IQSEC2: variants seen among roughly 807,000 people sequenced by gnomAD.
IQSEC2 encodes the protein IQ motif and SEC7 domain-containing protein 2.
In IQSEC2, 6 loss-of-function variants were observed where a neutral mutation model predicts 74.6. The observed-to-expected ratio is 0.08, with a 90% CI of 0.04 to 0.16. The LOEUF is 0.16. IQSEC2 is among the 10% of genes least tolerant of loss of function. The pLI, the probability that IQSEC2 is intolerant of heterozygous loss-of-function variation, is 1.00. For synonymous variants in IQSEC2, 494 were observed against 544.5 expected, an observed-to-expected ratio of 0.91 and a Z score of 1.29; for missense variants, 734 against 1,306.2, an observed-to-expected ratio of 0.56 and a Z score of 6.75.
At chrX:53,294,738 ATCCCT>A (rs2146438240) in intron 1 of IQSEC2, among the ~76,000 whole-genome samples, 1 of 112,105 alleles carries the variant, frequency 8.9e-6, no homozygotes, top group South Asian at 3.7e-4. Flanking sequence ...CAAGGACTAG[ATCCCT>A]CTTCATCAAT....
chrX:53,254,312 G>C (rs782175168), intron 4 of IQSEC2, among the ~76,000 whole-genome samples: 5 of 91,794 alleles, frequency 5.4e-5, no homozygotes, highest in African/African-American at 2.1e-4. Context: ...CCTGGGTGTC[G>C]AGAGCGAAAC....
chrX:53,265,914 G>A (rs2074648856), intron 2 of IQSEC2, among the ~76,000 whole-genome samples: 1 of 112,351 alleles, frequency 8.9e-6, no homozygotes, highest in Non-Finnish European at 1.9e-5. Context: ...TAAAACCACA[G>A]GACTGGAAAA....
intron 2 of IQSEC2, among the ~76,000 whole-genome samples, chrX:53,261,339 G>A (rs1430172546): frequency 9.0e-6 from 1 of 111,125 alleles, no homozygotes; most frequent in Non-Finnish European, 1.9e-5. Context: ...GTGTGAGCCC[G>A]TGCATGTCAC....
chrX:53,239,975 T>A (rs1227404084), intron 10 of IQSEC2, among the ~76,000 whole-genome samples: 2 of 111,868 alleles, frequency 1.8e-5, no homozygotes, highest in Non-Finnish European at 3.8e-5. Context: ...GAACAGGGAC[T>A]AAGTCTGATT....
intron 2 of IQSEC2, among the ~76,000 whole-genome samples, chrX:53,277,580 C>T (rs1306922744): frequency 1.8e-5 from 2 of 111,118 alleles, no homozygotes; most frequent in African/African-American, 6.6e-5. Flanking sequence ...TCCTGTCCCA[C>T]CTTAAGTCAC....
intron 1 of IQSEC2, among the ~76,000 whole-genome samples, chrX:53,305,381 T>C (rs868980337): frequency 1.8e-5 from 2 of 110,391 alleles, no homozygotes; most frequent in Middle Eastern, 4.7e-3. Flanking sequence ...GCCCAGCTAA[T>C]TTTTTCATTT....
chrX:53,231,733 C>T (rs1162129031), downstream of IQSEC2: 1 of 112,032 alleles, frequency 8.9e-6, no homozygotes, highest in Admixed American at 9.5e-5. Flanking sequence ...GGGAAGAAAA[C>T]TAAAAAATGT....
At chrX:53,313,047 C>T (rs1276560629) in intron 1 of IQSEC2, among the ~76,000 whole-genome samples, 1 of 112,293 alleles carries the variant, frequency 8.9e-6, no homozygotes, top group Non-Finnish European at 1.9e-5. Flanking sequence ...CCTGATCAGC[C>T]GTGTAGCTCT....
chrX:53,284,189 G>T (rs1341747988), intron 2 of IQSEC2, among the ~76,000 whole-genome samples: 1 of 111,172 alleles, frequency 9.0e-6, no homozygotes, highest in Non-Finnish European at 1.9e-5. Context: ...TTTCTGGGGA[G>T]AACATCTCTA....
intron 1 of IQSEC2, among the ~76,000 whole-genome samples, chrX:53,302,863 G>C (rs187192615): frequency 9.0e-6 from 1 of 110,894 alleles, no homozygotes; most frequent in Admixed American, 9.5e-5. Flanking sequence ...CTTGAGCCCA[G>C]GTCGAGACCA....
chrX:53,297,786 T>G (rs1453852362), intron 1 of IQSEC2, among the ~76,000 whole-genome samples: 1 of 111,673 alleles, frequency 9.0e-6, no homozygotes, highest in Non-Finnish European at 1.9e-5. Context: ...ACCTTCCTGC[T>G]GCAATCTAGG....
chrX:53,306,167 C>G (rs913537073), intron 1 of IQSEC2, among the ~76,000 whole-genome samples: 1 of 112,029 alleles, frequency 8.9e-6, no homozygotes, highest in Non-Finnish European at 1.9e-5. Context: ...GCCTCCAAGC[C>G]CCCCCGAGTG....
At chrX:53,239,589 G>A (rs1238254424) in intron 10 of IQSEC2, 9 of 287,560 alleles carry the variant, frequency 3.1e-5, no homozygotes, top group Non-Finnish European at 5.7e-5. Context: ...ACAGAGATTT[G>A]TAAACCCCTT....
chrX:53,250,189 G>A (rs1298755765), intron 5 of IQSEC2, 90 bp downstream of exon 5: 10 of 954,736 alleles, frequency 1.0e-5, no homozygotes, highest in East Asian at 3.1e-5. Context: ...ATGGCAGAAC[G>A]GGGATCACTG....
intron 1 of IQSEC2, among the ~76,000 whole-genome samples, chrX:53,304,163 G>A (rs2075238933): frequency 9.0e-6 from 1 of 110,906 alleles, no homozygotes; most frequent in Non-Finnish European, 1.9e-5. Context: ...GATGATTCAG[G>A]TAGAGAGGAA....
intron 2 of IQSEC2, chrX:53,266,881 G>T (rs1335401361): frequency 2.4e-5 from 18 of 763,554 alleles, no homozygotes; most frequent in Middle Eastern, 4.8e-4. Flanking sequence ...TCCCATGGGG[G>T]AATCTGCGGG....
chrX:53,260,232 G>C (rs781787135), intron 2 of IQSEC2, among the ~76,000 whole-genome samples: 105 of 111,715 alleles, frequency 9.4e-4, no homozygotes, highest in Non-Finnish European at 1.7e-3. Flanking sequence ...GAAGTGAGAG[G>C]AAGTTGCATG....
chrX:53,272,675 C>T (rs1556868841), intron 2 of IQSEC2, among the ~76,000 whole-genome samples: 1 of 111,375 alleles, frequency 9.0e-6, no homozygotes, highest in African/African-American at 3.3e-5. Context: ...GAATCCCTTT[C>T]CCAGGAACGC....
chrX:53,283,211 G>A (rs908993165), intron 2 of IQSEC2, among the ~76,000 whole-genome samples: 1 of 112,017 alleles, frequency 8.9e-6, no homozygotes, highest in Non-Finnish European at 1.9e-5. Context: ...GCAAGACCCT[G>A]TACAAAAGAA....
Sources: allele counts gnomAD v4.1 joint callset (sites outside exome capture counted in the v4.1 genomes callset), GRCh38; gene constraint gnomAD v4.1.1; transcripts MANE v1.5; gene names NCBI Gene and HGNC (gene_info 2026-07-23, HGNC 2026-07-21).